NRXN3: variants seen among roughly 807,000 people sequenced by gnomAD.
The protein encoded by NRXN3 is neurexin 3, also known as neurexin III.
In NRXN3, 32 loss-of-function variants were observed where a neutral mutation model predicts 137.6. The observed-to-expected ratio is 0.23, with a 90% CI of 0.18 to 0.31. NRXN3 has a LOEUF of 0.31. NRXN3 is among the 10% of genes least tolerant of loss of function. The pLI is 1.00. For synonymous variants in NRXN3, 798 were observed against 784.5 expected, an observed-to-expected ratio of 1.02 and a Z score of -0.29; for missense variants, 1,574 against 2,062.5, an observed-to-expected ratio of 0.76 and a Z score of 4.59.
intron 15 of NRXN3, among the ~76,000 whole-genome samples, chr14:79,354,437 TCATGAATTTTTAGTC>T (rs1186158653): frequency 6.6e-6 from 1 of 152,198 alleles, no homozygotes; most frequent in Non-Finnish European, 1.5e-5. Context: ...GTGACTATTT[TCATGAATTTTTAGTC>T]CATGAAACCT....
intron 19 of NRXN3, among the ~76,000 whole-genome samples, chr14:79,743,964 T>TA (rs2098971063): frequency 6.6e-6 from 1 of 152,254 alleles, no homozygotes; most frequent in Non-Finnish European, 1.5e-5. Context: ...AAATTAAATT[T>TA]AACCTATCAA....
intron 15 of NRXN3, among the ~76,000 whole-genome samples, chr14:79,243,165 A>T (rs1417751493): frequency 1.3e-5 from 2 of 152,184 alleles, no homozygotes; most frequent in African/African-American, 4.8e-5. Flanking sequence ...CTATATAGAT[A>T]TGCGAGATTA....
chr14:79,629,304 C>T (rs1603262082), intron 16 of NRXN3, among the ~76,000 whole-genome samples: 4 of 152,120 alleles, frequency 2.6e-5, no homozygotes, highest in Admixed American at 1.3e-4. Flanking sequence ...ACTGAATTTT[C>T]TTAGAGTAAA....
At chr14:78,378,283 G>C (rs1009006740) in intron 4 of NRXN3, among the ~76,000 whole-genome samples, 1 of 152,112 alleles carries the variant, frequency 6.6e-6, no homozygotes, top group African/African-American at 2.4e-5. Context: ...TCAGGAGTTC[G>C]AGACCAGCCT....
At chr14:79,517,180 A>G (rs752223813) in intron 16 of NRXN3, among the ~76,000 whole-genome samples, 6 of 148,474 alleles carry the variant, frequency 4.0e-5, no homozygotes, top group Non-Finnish European at 7.4e-5. Flanking sequence ...TCCATCTGGT[A>G]TGTGAAAATG....
chr14:78,276,919 G>A (rs1436942027), intron 2 of NRXN3, among the ~76,000 whole-genome samples: 1 of 152,162 alleles, frequency 6.6e-6, no homozygotes, highest in Non-Finnish European at 1.5e-5. Context: ...AACAGTTAAT[G>A]GACCCGCCTA....
chr14:78,643,338 A>G (rs979536554), intron 4 of NRXN3, among the ~76,000 whole-genome samples: 1 of 152,140 alleles, frequency 6.6e-6, no homozygotes, highest in Non-Finnish European at 1.5e-5. Flanking sequence ...GTAGCCTCCA[A>G]TCTTTAGAGG....
chr14:78,592,094 T>C (rs1411016520), intron 4 of NRXN3, among the ~76,000 whole-genome samples: 1 of 152,138 alleles, frequency 6.6e-6, no homozygotes, highest in Non-Finnish European at 1.5e-5. Flanking sequence ...GTCTTGAAAA[T>C]GTATGCATTA....
intron 10 of NRXN3, among the ~76,000 whole-genome samples, chr14:78,838,323 C>T (rs1440531371): frequency 6.6e-6 from 1 of 152,100 alleles, no homozygotes; most frequent in African/African-American, 2.4e-5. Context: ...AAAAATATTA[C>T]CTCGTTCTTG....
chr14:78,464,526 TAGAC>T (rs1387990497), intron 4 of NRXN3, among the ~76,000 whole-genome samples: 1 of 152,338 alleles, frequency 6.6e-6, no homozygotes, highest in Non-Finnish European at 1.5e-5. Context: ...AGGCTTAAAC[TAGAC>T]AGTCTGACTT....
intron 8 of NRXN3, among the ~76,000 whole-genome samples, chr14:78,738,246 G>A (rs1217036056): frequency 1.3e-5 from 2 of 152,220 alleles, no homozygotes; most frequent in Admixed American, 1.3e-4. Context: ...ACTGGGAATA[G>A]AGCAGGAGCT....
chr14:79,861,269 G>A lies in NRXN3; in HGVS notation c.4094-73G>A. ...CTTGGTGATATCTGGGTATGGCTCA[G>A]GGGAAACCTTTGACTCTAACCTGCC... On this transcript the variant is annotated intron_variant, in intron 20 of 20. Transcript: ENST00000335750. This position sits in a 1 kb window ranked among gnomAD's most constrained non-coding sequence, Gnocchi z 5.4. The A allele has an allele frequency of 6.5e-7, 1 of 1,536,028 alleles. No individual in the cohort carries two copies. The highest frequency in any genetic ancestry group is 8.7e-7 in the Non-Finnish European group (1 of 1,146,888).
chr14:79,647,362 G>A (rs1473726941), intron 16 of NRXN3, among the ~76,000 whole-genome samples: 1 of 135,800 alleles, frequency 7.4e-6, no homozygotes, highest in Non-Finnish European at 1.7e-5. Flanking sequence ...CTAAAAATGT[G>A]TTTCCATGTA....
chr14:79,276,659 C>T (rs2080320127), intron 15 of NRXN3, among the ~76,000 whole-genome samples: 1 of 150,990 alleles, frequency 6.6e-6, no homozygotes, highest in African/African-American at 2.4e-5. Flanking sequence ...CTAAGCTTCC[C>T]ACACATCCTC....
chr14:78,652,489 C>T (rs534110293), intron 6 of NRXN3, among the ~76,000 whole-genome samples: 184 of 152,366 alleles, frequency 1.2e-3, no homozygotes, highest in Non-Finnish European at 2.2e-3. Context: ...AGCTAAGCTT[C>T]ATTGCCGAAG....
At chr14:78,778,736 C>CTCTCTT (rs2098755033) in intron 8 of NRXN3, among the ~76,000 whole-genome samples, 1 of 94,868 alleles carries the variant, frequency 1.1e-5, no homozygotes, top group East Asian at 3.2e-4. Context: ...CTTTCTCTCT[C>CTCTCTT]TCTTTCTTTC....
chr14:78,626,525 T>C (rs997929762), intron 4 of NRXN3, among the ~76,000 whole-genome samples: 1 of 152,218 alleles, frequency 6.6e-6, no homozygotes, highest in Non-Finnish European at 1.5e-5. Flanking sequence ...TTACAAGTAA[T>C]TTTATTGCAA....
chr14:78,329,630 C>T (rs1461373546), intron 4 of NRXN3, among the ~76,000 whole-genome samples: 1 of 152,056 alleles, frequency 6.6e-6, no homozygotes, highest in Non-Finnish European at 1.5e-5. Flanking sequence ...CAAATGCCTC[C>T]CATTCTACTG....
Position 78,788,911 on chromosome 14 carries a change from T to C in NRXN3, c.2045-14709T>C, listed in dbSNP as rs1328119168. 3.9e-5 allele frequency among the ~76,000 whole-genome samples: 6 copies of C among 152,132 alleles called. No homozygotes were observed. The East Asian group carries it at 9.6e-4, about 24-fold the overall frequency. On this transcript the variant is annotated intron_variant, in intron 8 of 20. Coordinates refer to ENST00000335750, the MANE Select transcript of NRXN3 (RefSeq NM_001330195.2). ...CCCAGATCTTCTAACTCCAAGCTTA[T>C]ATGCTTACAGAGACAGCACACCAAG...
Sources: allele counts gnomAD v4.1 joint callset (sites outside exome capture counted in the v4.1 genomes callset), GRCh38; gene constraint gnomAD v4.1.1; non-coding constraint Gnocchi (gnomAD v3.1); transcripts MANE v1.5; gene names NCBI Gene and HGNC (gene_info 2026-07-23, HGNC 2026-07-21).